The following NSD2 variants were observed in gnomAD, a reference collection of about 807,000 sequenced individuals.
NSD2 encodes histone-lysine N-methyltransferase NSD2.
NSD2 carries 12 observed loss-of-function variants against 139.0 expected under a neutral mutation model. The observed-to-expected ratio is 0.09, with a 90% CI of 0.06 to 0.14. NSD2 has a LOEUF of 0.14. Among genes scored for constraint, NSD2 ranks in the 10% least tolerant of loss-of-function variants. The pLI is 1.00. For synonymous variants in NSD2, 669 were observed against 648.7 expected (o/e 1.03, Z -0.48); for missense variants, 1,155 against 1,745.0 (o/e 0.66, Z 6.02).
intron 20 of NSD2, 63 bp downstream of exon 20, chr4:1,975,463 CTG>C (rs1726974054): frequency 6.8e-7 from 1 of 1,463,822 alleles, no homozygotes. Context: ...TCCTGGAGAC[CTG>C]TGTCCCCCGT....
In NSD2 at chr4:1,959,713, C is replaced by T. The variant is rs751878995; in HGVS notation, c.3228C>T (p.Gly1076=). 1.2e-6 allele frequency: 2 copies of T among 1,613,922 alleles called. No individual in the cohort carries two copies. Among genetic ancestry groups the T allele is most frequent in the African/African-American group, 2.7e-5 (2 of 74,898 alleles). ...TCAAGACAGATGGCAAAGGGTGGGG[C>T]CTGGTCGCCAAGAGGGACATCAGAA... ...KIIKTDGKGW[G]LVAKRDIRKG... The change falls in exon 17 of 22, where the codon GGC becomes GGT. Residue 1076 remains glycine, a synonymous_variant. Transcript: ENST00000508803.
intron 3 of NSD2, among the ~76,000 whole-genome samples, chr4:1,907,778 A>G (rs1276016703): frequency 6.6e-6 from 1 of 152,000 alleles, no homozygotes; most frequent in East Asian, 1.9e-4. Flanking sequence ...ACACCCAGCT[A>G]ATTTTTGTAT....
intron 18 of NSD2, among the ~76,000 whole-genome samples, chr4:1,969,891 A>G (rs1273237314): frequency 1.3e-5 from 2 of 152,228 alleles, no homozygotes; most frequent in African/African-American, 4.8e-5. Context: ...AACTTGTAGA[A>G]CTCAGGAGTG....
In NSD2 at chr4:1,960,977, C is replaced by T. The variant is rs1402637928; in HGVS notation, c.3256-58C>T. ...GATCATGATGGGGAGTCTTGAGCCC[C>T]GACACTGAGGATTGGTCAGCACGCT... On this transcript the variant is annotated intron_variant, in intron 17 of 21. Coordinates refer to ENST00000508803, the MANE Select transcript of NSD2 (RefSeq NM_001042424.3). 19 of 1,440,682 alleles carry T rather than the reference C, an allele frequency of 1.3e-5. No homozygotes were observed. In the East Asian group the frequency reaches 2.3e-4, roughly 17 times the overall value. The allele number at this position is 1,440,682 out of a possible 1,614,324, so 89.2% of individuals were successfully genotyped here. A position where few individuals can be genotyped will look rare whatever the true frequency, so the allele number is the denominator to read the frequency against.
intron 21 of NSD2, among the ~76,000 whole-genome samples, chr4:1,978,165 T>C (rs1727310774): frequency 6.6e-6 from 1 of 152,186 alleles, no homozygotes; most frequent in Non-Finnish European, 1.5e-5. Context: ...AAAAACATTT[T>C]TGTACGGTAA....
At chr4:1,929,036 C>T (rs1257686227) in intron 5 of NSD2, among the ~76,000 whole-genome samples, 1 of 151,850 alleles carries the variant, frequency 6.6e-6, no homozygotes, top group East Asian at 1.9e-4. Context: ...AGAGCCAGAC[C>T]CAGAACTGCA....
intron 2 of NSD2, among the ~76,000 whole-genome samples, chr4:1,903,880 G>A (rs1281106907): frequency 6.6e-6 from 1 of 151,894 alleles, no homozygotes; most frequent in Admixed American, 6.6e-5. Context: ...GATTACAGGC[G>A]CCTGCCACCA....
intron 3 of NSD2, among the ~76,000 whole-genome samples, chr4:1,916,463 A>G (rs1719410590): frequency 6.6e-6 from 1 of 152,014 alleles, no homozygotes; most frequent in Non-Finnish European, 1.5e-5. Flanking sequence ...CTCTCACCTC[A>G]GCCTCCAGAG....
Position 1,930,622 on chromosome 4 carries a change from A to G in NSD2, c.1411-4A>G. 1 of 1,598,184 alleles carries G rather than the reference A, an allele frequency of 6.3e-7. No individual in the cohort carries two copies. Among genetic ancestry groups the G allele is most frequent in the Non-Finnish European group, 8.5e-7 (1 of 1,171,918 alleles). On this transcript the variant is annotated splice_region_variant and splice_polypyrimidine_tract_variant and intron_variant, in intron 5 of 21. Transcript: ENST00000508803. Reference sequence around the variant, plus strand: ...TCTCATTGCACCTTCTCCCGTTCCCACAGGTGGTAGCTGAGCACCCAGATG... The same window carrying G: ...TCTCATTGCACCTTCTCCCGTTCCCGCAGGTGGTAGCTGAGCACCCAGATG...
chr4:1,879,676 C>T (rs1045113034), intron 1 of NSD2, among the ~76,000 whole-genome samples: 2 of 152,038 alleles, frequency 1.3e-5, no homozygotes, highest in African/African-American at 4.8e-5. Flanking sequence ...CGTGCCCTGT[C>T]CCATGGATCT....
intron 18 of NSD2, among the ~76,000 whole-genome samples, chr4:1,971,976 A>G (rs949298055): frequency 1.3e-4 from 20 of 152,158 alleles, no homozygotes; most frequent in Admixed American, 1.3e-3. Context: ...CCGGTTCAGA[A>G]ATAAGGCAGG....
At position 1,974,039 on chromosome 4, in the gene NSD2, G is replaced by A. The variant is rs972178624; in HGVS notation, c.3373-824G>A. 6.6e-6 allele frequency among the ~76,000 whole-genome samples: 1 copy of A among 152,038 alleles called. No homozygotes were observed. Among genetic ancestry groups the A allele is most frequent in the East Asian group, 1.9e-4 (1 of 5,170 alleles). ...GTGGCCCTTATCAGGTTGCTGCCTC[G>A]AAAGCCTTCCTGCCGGCCCTGCAGC... On this transcript the variant is annotated intron_variant, in intron 18 of 21. Transcript: ENST00000508803. The surrounding 1 kb of genome is among the most constrained non-coding windows in gnomAD (Gnocchi z 4.0).
chr4:1,938,955 AG>A (rs1722785061), intron 8 of NSD2, among the ~76,000 whole-genome samples: 1 of 152,246 alleles, frequency 6.6e-6, no homozygotes, highest in Non-Finnish European at 1.5e-5. Context: ...CACATGCTAA[AG>A]AAACTAGCTT....
chr4:1,960,994 C>T lies in NSD2; in HGVS notation c.3256-41C>T, dbSNP rs73796670. On this transcript the variant is annotated intron_variant, in intron 17 of 21. Transcript: ENST00000508803. ...TTGAGCCCCGACACTGAGGATTGGT[C>T]AGCACGCTTTTTGTCATGGCCACAT... 1,642 of 1,561,394 alleles carry T rather than the reference C, an allele frequency of 1.1e-3. 13 individuals carry two copies. The African/African-American group carries it at 0.019, about 18-fold the overall frequency.
chr4:1,876,860 G>A (rs1051355410), intron 1 of NSD2, among the ~76,000 whole-genome samples: 1 of 152,146 alleles, frequency 6.6e-6, no homozygotes, highest in Non-Finnish European at 1.5e-5. Context: ...TTGCTGGTGC[G>A]GTGGGTGGCT....
Position 1,951,188 on chromosome 4 carries a change from G to A in NSD2, c.1998G>A (p.Lys666=), listed in dbSNP as rs755121032. The A allele has an allele frequency of 6.2e-7, 1 of 1,614,146 alleles. No individual in the cohort carries two copies. Among genetic ancestry groups the A allele is most frequent in the Non-Finnish European group, 8.5e-7 (1 of 1,180,010 alleles). The change falls in exon 10 of 22, where the codon AAG becomes AAA. Residue 666 remains lysine, a synonymous_variant. Coordinates refer to ENST00000508803, the MANE Select transcript of NSD2 (RefSeq NM_001042424.3). The part of the protein sequence containing the change: ...KKSERGVTAK[K]EYVCQLCEKP... ...CTGAGCGAGGAGTGACTGCCAAAAAGGAGTATGTGTGCCAGGTGAGGAGAA... is the reference window on the plus strand; with the variant it reads ...CTGAGCGAGGAGTGACTGCCAAAAAAGAGTATGTGTGCCAGGTGAGGAGAA...
chr4:1,940,780 G>C, intron 9 of NSD2: 1 of 1,059,972 alleles, frequency 9.4e-7, no homozygotes, highest in Non-Finnish European at 1.1e-6. Context: ...AGGAAGGATG[G>C]GGTGTGCCTC....
chr4:1,930,563 A>G, intron 5 of NSD2, 63 bp from the exon 6 acceptor site: 1 of 1,498,264 alleles, frequency 6.7e-7, no homozygotes, highest in Non-Finnish European at 8.9e-7. Context: ...GATTTCATGC[A>G]AAACAAAACC....
Position 1,872,585 on chromosome 4 carries a change from TGTGTGTGA to T in NSD2, c.-30+1045_-30+1052del, listed in dbSNP as rs1178166672. 6.9e-4 allele frequency among the ~76,000 whole-genome samples: 39 copies of T among 56,578 alleles called. 1 individual carries two copies. The highest frequency in any genetic ancestry group is 7.7e-3 in the Middle Eastern group (1 of 130). The allele number at this position is 56,578 out of a possible 152,430, so 37.1% of individuals were successfully genotyped here. On this transcript the variant is annotated intron_variant, in intron 1 of 21. Coordinates refer to ENST00000508803, the MANE Select transcript of NSD2 (RefSeq NM_001042424.3). ...TATTTTGTGTGTGTGTGTGTGTGTGTGTGTGTGAGAGAGAGAGAGAGAGAGAGAGAGAG... is the reference window on the plus strand; with the variant it reads ...TATTTTGTGTGTGTGTGTGTGTGTGTGAGAGAGAGAGAGAGAGAGAGAGAG...
Sources: allele counts gnomAD v4.1 joint callset (sites outside exome capture counted in the v4.1 genomes callset), GRCh38; gene constraint gnomAD v4.1.1; non-coding constraint Gnocchi (gnomAD v3.1); transcripts MANE v1.5; gene names NCBI Gene and HGNC (gene_info 2026-07-23, HGNC 2026-07-21).